Variants in PARP15 observed in about 807,000 individuals in gnomAD.
PARP15 encodes poly(ADP-ribose) polymerase family member 15.
In PARP15, 50 loss-of-function variants were observed where a neutral mutation model predicts 62.1. The observed-to-expected ratio is 0.81, with a 90% CI of 0.64 to 1.02. The LOEUF (loss-of-function observed/expected upper bound fraction) is 1.02, where lower values mean the gene tolerates loss of function less well. Ranked by LOEUF, PARP15 falls within the 50% of genes least tolerant of loss-of-function variation. The pLI, the probability that PARP15 is intolerant of heterozygous loss-of-function variation, is 0.00. For missense variants in PARP15, 820 were observed against 826.5 expected (o/e 0.99, Z 0.10); for synonymous variants, 309 against 293.1 (o/e 1.05, Z -0.55).
At chr3:122,617,283 A>C (rs1936042077) in intron 6 of PARP15, 119 bp downstream of exon 6, 8 of 1,071,730 alleles carry the variant, frequency 7.5e-6, no homozygotes, top group Non-Finnish European at 1.1e-5. Context: ...TGGTCTCTGA[A>C]CTCAGGAAGA....
chr3:122,598,239 T>C (rs886732240), intron 1 of PARP15, among the ~76,000 whole-genome samples: 3 of 152,250 alleles, frequency 2.0e-5, no homozygotes, highest in Admixed American at 6.5e-5. Context: ...TTTTTACTTT[T>C]CTATTGCTAC....
chr3:122,633,383 C>T (rs72962336), intron 10 of PARP15, among the ~76,000 whole-genome samples: 1,653 of 152,248 alleles, frequency 0.011, 23 homozygotes, highest in African/African-American at 0.037. Flanking sequence ...GGAGATACCT[C>T]GTGGTGTTAA....
chr3:122,617,176 A>C lies in PARP15; in HGVS notation c.1000+12A>C. On this transcript the variant is annotated intron_variant, in intron 6 of 11. Coordinates refer to ENST00000464300, the MANE Select transcript of PARP15 (RefSeq NM_001113523.3). ...TAATCGGAAATCAGGTACTTTATTT[A>C]AGCAATATATTGTAATTATTAGTAT... 1.2e-6 allele frequency: 2 copies of C among 1,606,608 alleles called. No homozygotes were observed. The highest frequency in any genetic ancestry group is 1.7e-6 in the Non-Finnish European group (2 of 1,174,076).
intron 1 of PARP15, among the ~76,000 whole-genome samples, chr3:122,593,180 C>G (rs1299205907): frequency 6.7e-6 from 1 of 149,436 alleles, no homozygotes; most frequent in African/African-American, 2.5e-5. Context: ...CCTCTGTCGT[C>G]CAGGCTGGAG....
chr3:122,597,303 A>G (rs905744401), intron 1 of PARP15, among the ~76,000 whole-genome samples: 1 of 152,130 alleles, frequency 6.6e-6, no homozygotes, highest in Non-Finnish European at 1.5e-5. Context: ...TTAGGTTTCA[A>G]CATCAGTTTT....
intron 2 of PARP15, among the ~76,000 whole-genome samples, chr3:122,606,981 C>G (rs1253476356): frequency 6.6e-6 from 1 of 150,670 alleles, no homozygotes; most frequent in Non-Finnish European, 1.5e-5. Flanking sequence ...AGAGGGGAGG[C>G]AGCCGGCTGC....
At chr3:122,620,218 T>C (rs1203609009) in intron 7 of PARP15, among the ~76,000 whole-genome samples, 2 of 152,218 alleles carry the variant, frequency 1.3e-5, no homozygotes, top group African/African-American at 4.8e-5. Flanking sequence ...CAGGTGGTTT[T>C]GAGGATCAGA....
chr3:122,598,549 G>A (rs1298135975), intron 1 of PARP15, among the ~76,000 whole-genome samples: 1 of 152,146 alleles, frequency 6.6e-6, no homozygotes, highest in Non-Finnish European at 1.5e-5. Context: ...TGAGTTATCT[G>A]TGGGAGGAAG....
At chr3:122,633,067 A>T (rs538804265) in intron 10 of PARP15, among the ~76,000 whole-genome samples, 1 of 152,326 alleles carries the variant, frequency 6.6e-6, no homozygotes, top group East Asian at 1.9e-4. Flanking sequence ...CCGCTTCCAT[A>T]GAACTGTGTA....
At chr3:122,579,081 A>C (rs2080745148) in intron 1 of PARP15, among the ~76,000 whole-genome samples, 1 of 152,210 alleles carries the variant, frequency 6.6e-6, no homozygotes, top group Non-Finnish European at 1.5e-5. Context: ...TACAAATTGA[A>C]ATATCTGTGT....
At chr3:122,627,161 G>C in intron 9 of PARP15, 128 bp downstream of exon 9, 1 of 796,460 alleles carries the variant, frequency 1.3e-6, no homozygotes, top group Non-Finnish European at 2.0e-6. Flanking sequence ...AACTTCTTAT[G>C]ATCCATGGGA....
Position 122,635,908 on chromosome 3 carries a change from G to A in PARP15, c.1845G>A (p.Met615Ile). 1.2e-6 allele frequency: 2 copies of A among 1,614,136 alleles called. No individual in the cohort carries two copies. Among genetic ancestry groups the A allele is most frequent in the South Asian group, 1.1e-5 (1 of 91,078 alleles). Residue 615 changes from methionine (M) to isoleucine (I), a missense_variant, in exon 12 of 12, where the codon ATG becomes ATA. This residue lies in a region of PARP15 where 84 missense variants were observed against 79.7 expected (regional missense o/e 1.05). Transcript: ENST00000464300. Reference sequence around the variant, plus strand: ...CAGACAGCAATGGGAGAAAGCACATGTACGTTGTGCGAGTACTTACTGGAG... The same window carrying A: ...CAGACAGCAATGGGAGAAAGCACATATACGTTGTGCGAGTACTTACTGGAG... Reference protein sequence around the residue: ...SKPDSNGRKHMYVVRVLTGVF... With the variant: ...SKPDSNGRKHIYVVRVLTGVF...
intron 2 of PARP15, among the ~76,000 whole-genome samples, chr3:122,610,209 T>G (rs1240819039): frequency 6.6e-6 from 1 of 152,222 alleles, no homozygotes; most frequent in Non-Finnish European, 1.5e-5. Flanking sequence ...TCTGACTCTC[T>G]GCCTCTGGTC....
Position 122,594,926 on chromosome 3 carries a change from C to T in PARP15, c.187-11010C>T, listed in dbSNP as rs927173020. 4.3e-5 allele frequency: 40 copies of T among 922,168 alleles called. No individual in the cohort carries two copies. In the African/African-American group the frequency reaches 5.7e-4, roughly 13 times the overall value. The allele number at this position is 922,168 out of a possible 1,614,324, so 57.1% of individuals were successfully genotyped here. ...CCAAAAATGGAAGAGAAAGAGTAAC[C>T]AATGTTCAGTATTTCCCAGAGGAGG... On this transcript the variant is annotated intron_variant, in intron 1 of 11. Coordinates refer to ENST00000464300, the MANE Select transcript of PARP15 (RefSeq NM_001113523.3).
chr3:122,605,623 G>A (rs935192589), intron 1 of PARP15, among the ~76,000 whole-genome samples: 1 of 151,906 alleles, frequency 6.6e-6, no homozygotes, highest in East Asian at 1.9e-4. Flanking sequence ...ACGCAGGCTG[G>A]AGTGCAGTGG....
At position 122,635,863 on chromosome 3, in the gene PARP15, C is replaced by T; in HGVS notation, c.1800C>T (p.Ala600=). 2 of 1,614,010 alleles carry T rather than the reference C, an allele frequency of 1.2e-6. No homozygotes were observed. The highest frequency in any genetic ancestry group is 1.7e-6 in the Non-Finnish European group (2 of 1,179,968). Residue 600 remains alanine (A), a synonymous_variant, in exon 12 of 12, where the codon GCC becomes GCT. Coordinates refer to ENST00000464300, the MANE Select transcript of PARP15 (RefSeq NM_001113523.3). ...TYFAVDASYS[A]KDTYSKPDSN... ...TTGCTGTGGATGCCAGTTATTCTGC[C>T]AAGGACACCTACTCCAAGCCAGACA...
chr3:122,594,108 T>A (rs572309641), intron 1 of PARP15, among the ~76,000 whole-genome samples: 4 of 152,338 alleles, frequency 2.6e-5, no homozygotes, highest in Admixed American at 1.3e-4. Context: ...AATTCCATGT[T>A]AGACATCCTG....
chr3:122,577,927 C>T (rs1302604347), intron 1 of PARP15, 74 bp downstream of exon 1: 29 of 1,424,906 alleles, frequency 2.0e-5, no homozygotes, highest in Non-Finnish European at 2.7e-5. Context: ...CCCAGCAGCC[C>T]GAGCGGGCGC....
intron 9 of PARP15, among the ~76,000 whole-genome samples, chr3:122,630,756 G>A (rs1937016475): frequency 1.3e-5 from 2 of 152,076 alleles, no homozygotes; most frequent in Non-Finnish European, 2.9e-5. Context: ...TGGTTTTTAA[G>A]AATAATAACC....
Sources: gnomAD v4.1 joint callset for allele counts (sites outside exome capture counted in the v4.1 genomes callset) on GRCh38, gnomAD v4.1.1 for gene constraint, gnomAD v4.1.1 regional missense constraint, MANE v1.5 for transcripts, NCBI Gene and HGNC (gene_info 2026-07-23, HGNC 2026-07-21) for gene names.